MARCOL: variants seen among roughly 807,000 people sequenced by gnomAD.
MARCOL encodes the protein MARCO-like protein.
chr5:148,239,853 A>G (rs955088832), intron 1 of MARCOL, among the ~76,000 whole-genome samples: 9 of 151,946 alleles, frequency 5.9e-5, no homozygotes, highest in Non-Finnish European at 2.9e-5. Flanking sequence ...AAGAAAGTGT[A>G]TTATATATGC....
intron 1 of MARCOL, among the ~76,000 whole-genome samples, chr5:148,240,727 A>T (rs903541466): frequency 7.9e-5 from 12 of 151,916 alleles, no homozygotes; most frequent in African/African-American, 2.7e-4. Context: ...ACTGTTAATG[A>T]GCAATGTTTT....
In MARCOL at chr5:148,243,330, C is replaced by G; in HGVS notation, c.*76C>G. 5.0e-6 allele frequency: 2 copies of G among 398,002 alleles called. No individual in the cohort carries two copies. 24.7% of individuals were successfully genotyped at this position (398,002 alleles called of 1,614,324 possible). ...AGAGTCTTCTAGCCAACAAGGGAAT[C>G]TAGGGTCATCTAGCTATCAAGGGAA... On this transcript the variant is annotated 3_prime_UTR_variant, in exon 2 of 2. Transcript: ENST00000638089.
rs577712225 is a variant in MARCOL at position 148,242,663 on chromosome 5, G to A, written c.267G>A (p.Lys89=). ...FNKLEKPRHF[K]QGRAGVLNQP... is the part of the protein sequence containing the mutation. ...AGCTAGAGAAACCAAGACATTTTAA[G>A]CAAGGGAGAGCAGGAGTTTTAAACC... Residue 89 remains lysine, a synonymous_variant, in exon 2 of 2, where the codon AAG becomes AAA. Coordinates refer to ENST00000638089, the MANE Select transcript of MARCOL (RefSeq NM_001363511.2). 4 of 398,276 alleles carry A rather than the reference G, an allele frequency of 1.0e-5. No homozygotes were observed. The Admixed American group carries it at 1.3e-4, about 13-fold the overall frequency. The allele number at this position is 398,276 out of a possible 1,614,324, so 24.7% of individuals were successfully genotyped here.
chr5:148,241,127 A>C (rs1755959693), intron 1 of MARCOL, among the ~76,000 whole-genome samples: 1 of 135,350 alleles, frequency 7.4e-6, no homozygotes, highest in Non-Finnish European at 1.6e-5. Flanking sequence ...CCATATCCAC[A>C]CTATACCACA....
Position 148,243,025 on chromosome 5 carries a change from A to G in MARCOL, c.629A>G (p.Gln210Arg). The G allele has an allele frequency of 2.5e-6, 1 of 398,360 alleles. No individual in the cohort carries two copies. The highest frequency in any genetic ancestry group is 3.6e-5 in the East Asian group (1 of 27,928). The allele number at this position is 398,360 out of a possible 1,614,324, so 24.7% of individuals were successfully genotyped here. Residue 210 changes from glutamine (Q) to arginine (R), a missense_variant, in exon 2 of 2, where the codon CAG becomes CGG. Gln to Arg is a conservative substitution (Grantham distance 43). Coordinates refer to ENST00000638089, the MANE Select transcript of MARCOL (RefSeq NM_001363511.2). ...GGGAAGCCAGAGTCATCTGGCCAACAGGGGAAGCCAGGGTCATCTAGCCAA... is the reference window on the plus strand; with the variant it reads ...GGGAAGCCAGAGTCATCTGGCCAACGGGGGAAGCCAGGGTCATCTAGCCAA... Reference protein sequence around the residue: ...HQGKPESSGQQGKPGSSSQQG... With the variant: ...HQGKPESSGQRGKPGSSSQQG...
intron 1 of MARCOL, among the ~76,000 whole-genome samples, chr5:148,239,917 C>T (rs1172836795): frequency 6.6e-6 from 1 of 151,772 alleles, no homozygotes; most frequent in Admixed American, 6.6e-5. Context: ...AAAAGCAATA[C>T]TAAGCGCATC....
At position 148,243,186 on chromosome 5, in the gene MARCOL, C is replaced by T; in HGVS notation, c.790C>T (p.Gln264Ter). ...AGGAAATCTACATTTATCTAGCCAGCAAGGGAATCAAGGACCTTCTAGCAA... is the reference window on the plus strand; with the variant it reads ...AGGAAATCTACATTTATCTAGCCAGTAAGGGAATCAAGGACCTTCTAGCAA... ...QQGNLHLSSQ[Q>*]GNQGPSSKQR... Residue 264 changes from glutamine (Q) to a stop codon, truncating the protein, a stop_gained, in exon 2 of 2, where the codon CAA (glutamine) becomes TAA (stop). Transcript: ENST00000638089. LOFTEE classifies it low-confidence loss of function (END_TRUNC). The T allele has an allele frequency of 2.5e-6, 1 of 399,314 alleles. No homozygotes were observed. The highest frequency in any genetic ancestry group is 3.6e-5 in the East Asian group (1 of 28,082). The allele number at this position is 399,314 out of a possible 1,614,324, so 24.7% of individuals were successfully genotyped here.
At chr5:148,241,026 T>C (rs938424277) in intron 1 of MARCOL, among the ~76,000 whole-genome samples, 3 of 152,038 alleles carry the variant, frequency 2.0e-5, no homozygotes, top group Admixed American at 1.3e-4. Context: ...TGTTCATTCC[T>C]AGCTCTTTCT....
rs769077393 is a variant in MARCOL at position 148,243,527 on chromosome 5, A to G, written c.*273A>G. 8 of 347,698 alleles carry G rather than the reference A, an allele frequency of 2.3e-5. No homozygotes were observed. Among genetic ancestry groups the G allele is most frequent in the Non-Finnish European group, 3.6e-5 (7 of 194,428 alleles). The allele number at this position is 347,698 out of a possible 1,614,324, so 21.5% of individuals were successfully genotyped here. A position where few individuals can be genotyped will look rare whatever the true frequency, so the allele number is the denominator to read the frequency against. On this transcript the variant is annotated 3_prime_UTR_variant, in exon 2 of 2. Transcript: ENST00000638089. ...CTGGCCAGGAATGGAAGCCAGAGCC[A>G]TCTAGCCATCAGAGAAAATTAAGGT...
At chr5:148,240,566 C>CTGTT (rs1312533858) in intron 1 of MARCOL, among the ~76,000 whole-genome samples, 1 of 151,702 alleles carries the variant, frequency 6.6e-6, no homozygotes, top group African/African-American at 2.4e-5. Context: ...TAATTTTAAA[C>CTGTT]TGTTTACTCT....
intron 1 of MARCOL, among the ~76,000 whole-genome samples, chr5:148,239,649 A>T (rs1755943066): frequency 6.6e-6 from 1 of 151,884 alleles, no homozygotes; most frequent in Non-Finnish European, 1.5e-5. Flanking sequence ...GTTAAGAAAA[A>T]AAAAGGGTGA....
intron 1 of MARCOL, 70 bp from the exon 2 acceptor site, chr5:148,242,373 ATGT>A (rs1382474997): frequency 4.5e-4 from 180 of 396,092 alleles, no homozygotes; most frequent in Non-Finnish European, 7.3e-4. Context: ...TCTTGGACAA[ATGT>A]TGTTGATTTA....
chr5:148,241,999 C>T (rs79555045), intron 1 of MARCOL, among the ~76,000 whole-genome samples: 4 of 152,100 alleles, frequency 2.6e-5, no homozygotes, highest in Non-Finnish European at 5.9e-5. Context: ...GTGGGGCTCA[C>T]GTCTGCCAGC....
intron 1 of MARCOL, among the ~76,000 whole-genome samples, chr5:148,241,290 A>C (rs1242072216): frequency 6.6e-6 from 1 of 151,976 alleles, no homozygotes; most frequent in Non-Finnish European, 1.5e-5. Context: ...ATTTATGGAA[A>C]TATAAAGCAG....
chr5:148,239,090 A>AT (rs1755936383), intron 1 of MARCOL, among the ~76,000 whole-genome samples: 1 of 151,880 alleles, frequency 6.6e-6, no homozygotes, highest in South Asian at 2.1e-4. Flanking sequence ...TTGAATCTCA[A>AT]TTTTCTCATT....
Position 148,238,596 on chromosome 5 carries a change from C to T in MARCOL, c.-2C>T. 1 of 398,204 alleles carries T rather than the reference C, an allele frequency of 2.5e-6. No homozygotes were observed. Among genetic ancestry groups the T allele is most frequent in the Non-Finnish European group, 4.4e-6 (1 of 225,448 alleles). 24.7% of individuals were successfully genotyped at this position (398,204 alleles called of 1,614,324 possible). A position where few individuals can be genotyped will look rare whatever the true frequency, so the allele number is the denominator to read the frequency against. On this transcript the variant is annotated 5_prime_UTR_variant, in exon 1 of 2. Transcript: ENST00000638089. ...GCCAAGTCTGAAACCACTGACGGTA[C>T]CATGAGGGCTTTCATTTTCTTTCTC...
chr5:148,239,872 T>C (rs755736886), intron 1 of MARCOL, among the ~76,000 whole-genome samples: 106 of 151,904 alleles, frequency 7.0e-4, no homozygotes, highest in Non-Finnish European at 6.9e-4. Context: ...GCAATGATTA[T>C]ATATATTGGA....
Position 148,243,122 on chromosome 5 carries a change from G to C in MARCOL, c.726G>C (p.Leu242Phe). 2.5e-6 allele frequency: 1 copy of C among 393,782 alleles called. No homozygotes were observed. The highest frequency in any genetic ancestry group is 4.4e-6 in the Non-Finnish European group (1 of 225,224). The allele number at this position is 393,782 out of a possible 1,614,324, so 24.4% of individuals were successfully genotyped here. Reference sequence around the variant, plus strand: ...CTAGCCAACAGGGGAAGCCAGGGTTGTCTAGCCATCAAGGGAAGCCAGGGT... The same window carrying C: ...CTAGCCAACAGGGGAAGCCAGGGTTCTCTAGCCATCAAGGGAAGCCAGGGT... ...GSSSQQGKPG[L>F]SSHQGKPGSS... Residue 242 changes from leucine (L) to phenylalanine (F), a missense_variant, in exon 2 of 2, where the codon TTG becomes TTC. Coordinates refer to ENST00000638089, the MANE Select transcript of MARCOL (RefSeq NM_001363511.2).
intron 1 of MARCOL, 116 bp from the exon 2 acceptor site, chr5:148,242,329 TA>T: frequency 2.5e-6 from 1 of 392,266 alleles, no homozygotes. Flanking sequence ...GGGGCTTGGT[TA>T]AAAAATCAAG....
Sources: gnomAD v4.1 joint callset for allele counts (sites outside exome capture counted in the v4.1 genomes callset) on GRCh38, gnomAD v4.1.1 for gene constraint, MANE v1.5 for transcripts, NCBI Gene and HGNC (gene_info 2026-07-23, HGNC 2026-07-21) for gene names.